MTERF4: variants seen among roughly 807,000 people sequenced by gnomAD.
The protein encoded by MTERF4 is mitochondrial transcription termination factor 4, also known as transcription termination factor 4, mitochondrial.
Under a neutral mutation model 22.5 loss-of-function variants are expected in MTERF4, and 17 were observed. The ratio of observed to expected loss-of-function variants is 0.75; its 90% CI spans 0.52 to 1.13. The LOEUF (loss-of-function observed/expected upper bound fraction) is 1.13, where lower values mean the gene tolerates loss of function less well. Among genes scored for constraint, MTERF4 ranks in the 50% most tolerant of loss-of-function variants. The pLI is 0.00. For synonymous variants in MTERF4, 165 were observed against 175.3 expected (o/e 0.94, Z 0.47); for missense variants, 420 against 466.8 (o/e 0.90, Z 0.92).
At chr2:241,064,926 A>C in the MTERF4 span, 2 of 1,586,328 alleles carry the variant, frequency 1.3e-6, no homozygotes, top group Non-Finnish European at 1.7e-6. The surrounding 1 kb of genome is among the most constrained non-coding windows in gnomAD (Gnocchi z 7.0). Context: ...GCACCTGCAA[A>C]GTGGGCTACA....
At chr2:241,071,537 C>A, downstream of MTERF4, 1 of 1,559,824 alleles carries the variant, frequency 6.4e-7, no homozygotes, top group Admixed American at 1.8e-5. Context: ...GAGCAGAGGG[C>A]AGCCCCAGAC....
At chr2:241,086,114 G>C (rs895242788), downstream of MTERF4, among the ~76,000 whole-genome samples, 1 of 152,062 alleles carries the variant, frequency 6.6e-6, no homozygotes, top group African/African-American at 2.4e-5. Context: ...TGATCGGCCC[G>C]CCTTGGCCTC....
the MTERF4 span, among the ~76,000 whole-genome samples, chr2:241,053,722 C>G: frequency 6.6e-6 from 1 of 152,164 alleles, no homozygotes; most frequent in Non-Finnish European, 1.5e-5. Flanking sequence ...GAACAAGATC[C>G]CCCTTCCCCC....
At chr2:241,057,040 A>G in the MTERF4 span, among the ~76,000 whole-genome samples, 2 of 152,206 alleles carry the variant, frequency 1.3e-5, no homozygotes, top group Non-Finnish European at 2.9e-5. Context: ...GAAGAAATAC[A>G]TCAACCCACA....
rs1248232739 is a variant in MTERF4, at chr2:241,096,007, C to CTCG, written c.1134_1136dup (p.Asp378dup). The CTCG allele has an allele frequency of 6.2e-7, 1 of 1,613,758 alleles. No homozygotes were observed. Among genetic ancestry groups the CTCG allele is most frequent in the East Asian group, 2.2e-5 (1 of 44,878 alleles). ...AGTCCTTCCATCACAGCTATTCCTC[C>CTCG]TCGTCGTCGTCCTCATCCTCATCAT... is the stretch of plus-strand genomic sequence containing the variant. On this transcript the variant is annotated inframe_insertion, in exon 4 of 4. Transcript: ENST00000391980. This position sits in a 1 kb window ranked among gnomAD's most constrained non-coding sequence, Gnocchi z 5.1.
chr2:241,076,882 G>C (rs2063047511), intron 4 of MTERF4, among the ~76,000 whole-genome samples: 1 of 152,206 alleles, frequency 6.6e-6, no homozygotes, highest in African/African-American at 2.4e-5. Context: ...ACCAGGTCAG[G>C]AGATCGAGAC....
downstream of MTERF4, chr2:241,094,487 A>G (rs1027829391): frequency 2.2e-5 from 10 of 458,066 alleles, no homozygotes; most frequent in Admixed American, 2.4e-4. This position sits in a 1 kb window ranked among gnomAD's most constrained non-coding sequence, Gnocchi z 4.3. Flanking sequence ...AATTGCATGC[A>G]GCTCACACCT....
rs6721364 is a variant in MTERF4 at position 241,073,367 on chromosome 2, G to A, written n.2795C>T. On this transcript the variant is annotated non_coding_transcript_exon_variant, in exon 5 of 5. Coordinates refer to the MTERF4 transcript ENST00000464344. The surrounding 1 kb of genome is among the most constrained non-coding windows in gnomAD (Gnocchi z 6.6). ...ACACGGCAGCAAGGACATCGGAAGT[G>A]AGTCAGCAGCGCTGGTGGGGACTTT... is the stretch of plus-strand genomic sequence containing the variant. 2,997 of 1,563,294 alleles carry A rather than the reference G, an allele frequency of 1.9e-3. 45 individuals are homozygous for A. In the African/African-American group the frequency reaches 0.034, roughly 18 times the overall value.
At chr2:241,087,669 A>G (rs1008051273), downstream of MTERF4, 6 of 1,379,544 alleles carry the variant, frequency 4.3e-6, no homozygotes, top group African/African-American at 8.8e-5. Context: ...GAGCATACCC[A>G]GAGGGGCACA....
the MTERF4 span, chr2:241,064,262 A>G: frequency 1.6e-6 from 1 of 617,030 alleles, no homozygotes. The surrounding 1 kb of genome is among the most constrained non-coding windows in gnomAD (Gnocchi z 7.0). Flanking sequence ...GCCGCCTTGG[A>G]AGTCCCCTTC....
At chr2:241,064,129 G>A in the MTERF4 span, 7 of 1,545,974 alleles carry the variant, frequency 4.5e-6, no homozygotes, top group African/African-American at 8.2e-5. The surrounding 1 kb of genome is among the most constrained non-coding windows in gnomAD (Gnocchi z 7.0). Flanking sequence ...GAGACAGGTA[G>A]GGCGGCAGGC....
At chr2:241,089,298 G>A, downstream of MTERF4, 2 of 1,549,636 alleles carry the variant, frequency 1.3e-6, no homozygotes, top group Non-Finnish European at 1.7e-6. Context: ...TCTTCCTGGT[G>A]GCGCAGATGA....
At chr2:241,085,697 A>ATTTG (rs147128440), downstream of MTERF4, among the ~76,000 whole-genome samples, 1 of 151,712 alleles carries the variant, frequency 6.6e-6, no homozygotes. Context: ...CTGACGCTGG[A>ATTTG]TTTGTTTGTT....
At chr2:241,085,729 T>C (rs2063538231), downstream of MTERF4, among the ~76,000 whole-genome samples, 1 of 152,194 alleles carries the variant, frequency 6.6e-6, no homozygotes, top group Non-Finnish European at 1.5e-5. Flanking sequence ...TTTTCAAGAA[T>C]GTTTTTTCTC....
downstream of MTERF4, chr2:241,070,340 G>A: frequency 7.5e-6 from 7 of 939,064 alleles, no homozygotes; most frequent in Non-Finnish European, 1.1e-5. Flanking sequence ...CAGGGGAGGA[G>A]TCTGTGTATG....
rs1320685425 is a variant in MTERF4, at chr2:241,073,054, C to T, written n.3108G>A. 12 of 554,672 alleles carry T rather than the reference C, an allele frequency of 2.2e-5. No individual in the cohort carries two copies. The highest frequency in any genetic ancestry group is 8.6e-5 in the East Asian group (3 of 34,786). The allele number at this position is 554,672 out of a possible 1,614,324, so 34.4% of individuals were successfully genotyped here. A position where few individuals can be genotyped will look rare whatever the true frequency, so the allele number is the denominator to read the frequency against. On this transcript the variant is annotated non_coding_transcript_exon_variant, in exon 5 of 5. Coordinates refer to the MTERF4 transcript ENST00000464344. This position sits in a 1 kb window ranked among gnomAD's most constrained non-coding sequence, Gnocchi z 6.6. ...TGAGGGGGCCCTGCAAGGGGAAGGC[C>T]GAGCCCCTCCAGAGGGTCAGCAGGA...
At chr2:241,046,011 C>T in the MTERF4 span, among the ~76,000 whole-genome samples, 1 of 152,130 alleles carries the variant, frequency 6.6e-6, no homozygotes, top group African/African-American at 2.4e-5. Context: ...TGAACGGATA[C>T]TTGGCCACAA....
At chr2:241,053,952 A>C in the MTERF4 span, among the ~76,000 whole-genome samples, 1 of 152,214 alleles carries the variant, frequency 6.6e-6, no homozygotes, top group Non-Finnish European at 1.5e-5. Flanking sequence ...AGTTTTTACG[A>C]AGCAAGGATT....
chr2:241,079,288 T>A (rs1009747106), intron 4 of MTERF4, among the ~76,000 whole-genome samples: 38 of 150,830 alleles, frequency 2.5e-4, no homozygotes, highest in Non-Finnish European at 4.7e-4. Flanking sequence ...GGCAGGCGCC[T>A]GTAGTCCCAG....
Sources: allele counts gnomAD v4.1 joint callset (sites outside exome capture counted in the v4.1 genomes callset), GRCh38; gene constraint gnomAD v4.1.1; non-coding constraint Gnocchi (gnomAD v3.1); transcripts MANE v1.5; gene names NCBI Gene and HGNC (gene_info 2026-07-23, HGNC 2026-07-21).